TRAM1: variants seen among roughly 807,000 people sequenced by gnomAD.
TRAM1 encodes the protein translocation associated membrane protein 1, also known as translocating chain-associated membrane protein 1.
Under a neutral mutation model 48.7 loss-of-function variants are expected in TRAM1, and 17 were observed. The observed-to-expected ratio is 0.35, with a 90% CI of 0.24 to 0.52. The LOEUF (loss-of-function observed/expected upper bound fraction) is 0.52. TRAM1 is among the 20% of genes least tolerant of loss of function. TRAM1 has a pLI of 0.94. For missense variants in TRAM1, 351 were observed against 441.5 expected (o/e 0.79, Z 1.84); for synonymous variants, 182 against 154.0 (o/e 1.18, Z -1.34).
At chr8:70,603,726 C>A (rs1420726305) in intron 1 of TRAM1, among the ~76,000 whole-genome samples, 1 of 152,092 alleles carries the variant, frequency 6.6e-6, no homozygotes, top group African/African-American at 2.4e-5. Context: ...CAAAAAGAGT[C>A]CTTTACAAAC....
chr8:70,608,284 T>A lies in TRAM1; in HGVS notation c.-85A>T. The A allele has an allele frequency of 1.4e-6, 2 of 1,470,902 alleles. No homozygotes were observed. The highest frequency in any genetic ancestry group is 1.3e-5 in the South Asian group (1 of 76,266). The allele number at this position is 1,470,902 out of a possible 1,614,324, so 91.1% of individuals were successfully genotyped here. A position where few individuals can be genotyped will look rare whatever the true frequency, so the allele number is the denominator to read the frequency against. On this transcript the variant is annotated 5_prime_UTR_variant, in exon 1 of 11. Coordinates refer to ENST00000262213, the MANE Select transcript of TRAM1 (RefSeq NM_014294.6). ...TCACCGACTCGCCGCCGCCTCCCGC[T>A]GGCTGCTCCTCACGGCCCCGCTGCA...
At chr8:70,603,020 C>T (rs17759131) in intron 1 of TRAM1, among the ~76,000 whole-genome samples, 8,305 of 152,042 alleles carry the variant, frequency 0.055, 327 homozygotes, top group Non-Finnish European at 0.078. Flanking sequence ...CTGCAGGATA[C>T]GGCCAGTAAA....
intron 10 of TRAM1, among the ~76,000 whole-genome samples, chr8:70,578,338 G>A (rs1817005215): frequency 6.6e-6 from 1 of 152,176 alleles, no homozygotes; most frequent in African/African-American, 2.4e-5. Context: ...TGAACTCCTG[G>A]GCTCAAGTGA....
At chr8:70,596,819 T>TA (rs34126420) in intron 4 of TRAM1, among the ~76,000 whole-genome samples, 10,300 of 122,366 alleles carry the variant, frequency 0.084, 454 homozygotes, top group Non-Finnish European at 0.092. Context: ...ACTGCATATG[T>TA]AAAAAAAAAA....
intron 3 of TRAM1, 39 bp downstream of exon 3, chr8:70,598,095 T>C: frequency 6.3e-7 from 1 of 1,590,176 alleles, no homozygotes; most frequent in Non-Finnish European, 8.6e-7. Flanking sequence ...GGAGAGCTAG[T>C]ACTTTATAAA....
At chr8:70,588,152 G>A (rs968888866) in intron 6 of TRAM1, among the ~76,000 whole-genome samples, 1 of 152,072 alleles carries the variant, frequency 6.6e-6, no homozygotes, top group Non-Finnish European at 1.5e-5. Flanking sequence ...AAGAGTTCGA[G>A]GTTACAGTAA....
At chr8:70,607,492 G>A in intron 1 of TRAM1, 1 of 985,476 alleles carries the variant, frequency 1.0e-6, no homozygotes, top group Non-Finnish European at 1.2e-6. Flanking sequence ...CCTTCAAGTC[G>A]AAAGCAGATG....
chr8:70,587,919 C>T (rs1274730327), intron 6 of TRAM1, among the ~76,000 whole-genome samples: 3 of 152,136 alleles, frequency 2.0e-5, no homozygotes, highest in African/African-American at 7.2e-5. Flanking sequence ...AAACACAAGT[C>T]AAGACCCACT....
chr8:70,587,032 TAATTATC>T, intron 7 of TRAM1, 33 bp from the exon 8 acceptor site: 1 of 1,611,396 alleles, frequency 6.2e-7, no homozygotes, highest in South Asian at 1.1e-5. Flanking sequence ...ATGGGAATAT[TAATTATC>T]AATTAAGACA....
At chr8:70,595,834 C>T (rs1228211358) in intron 5 of TRAM1, among the ~76,000 whole-genome samples, 1 of 152,016 alleles carries the variant, frequency 6.6e-6, no homozygotes, top group Non-Finnish European at 1.5e-5. Context: ...CCCAGCAGCA[C>T]TGTACAGACT....
intron 1 of TRAM1, chr8:70,606,813 ATTAT>A (rs1817729687): frequency 6.1e-6 from 5 of 825,244 alleles, no homozygotes; most frequent in Non-Finnish European, 7.3e-6. Context: ...AGGTTAAAAT[ATTAT>A]TTAATTTTAA....
intron 10 of TRAM1, among the ~76,000 whole-genome samples, chr8:70,577,088 G>A (rs754160977): frequency 1.3e-5 from 2 of 152,172 alleles, no homozygotes; most frequent in African/African-American, 2.4e-5. Flanking sequence ...AGCCCTTTTA[G>A]TCCCGCCATT....
chr8:70,598,283 C>A, intron 2 of TRAM1, 28 bp from the exon 3 acceptor site: 2 of 1,579,264 alleles, frequency 1.3e-6, no homozygotes, highest in Non-Finnish European at 8.6e-7. Flanking sequence ...CACAAATACA[C>A]AAAAATATAC....
chr8:70,586,025 A>G (rs923968817), intron 8 of TRAM1, among the ~76,000 whole-genome samples: 4 of 150,990 alleles, frequency 2.6e-5, no homozygotes, highest in Non-Finnish European at 4.4e-5. Flanking sequence ...AACCAACTCA[A>G]ATGTCCAACA....
chr8:70,583,537 G>T (rs1471465411), intron 9 of TRAM1, 113 bp downstream of exon 9: 2 of 1,419,068 alleles, frequency 1.4e-6, no homozygotes, highest in Non-Finnish European at 1.9e-6. Flanking sequence ...AAAATCAAAT[G>T]AGTATTTTCC....
intron 6 of TRAM1, among the ~76,000 whole-genome samples, chr8:70,592,077 G>A (rs1817378966): frequency 2.0e-5 from 3 of 152,116 alleles, no homozygotes; most frequent in Admixed American, 2.0e-4. Flanking sequence ...TTATATGTAT[G>A]TATAATTAAA....
chr8:70,587,777 ACTATT>A (rs1486399665), intron 6 of TRAM1: 3 of 152,252 alleles, frequency 2.0e-5, no homozygotes, highest in Admixed American at 6.5e-5. Flanking sequence ...TCTCATTTAT[ACTATT>A]CCTTAATTGT....
rs61138886 is a variant in TRAM1, at chr8:70,600,654, G to C, written c.124-572C>G. ...GGCAAAGTGCTAGACAAAAAAGGACGAGATGAAGATGGATAAAATAATCCC... is the reference window on the plus strand; with the variant it reads ...GGCAAAGTGCTAGACAAAAAAGGACCAGATGAAGATGGATAAAATAATCCC... On this transcript the variant is annotated intron_variant, in intron 1 of 10. Coordinates refer to ENST00000262213, the MANE Select transcript of TRAM1 (RefSeq NM_014294.6). 5.3e-3 allele frequency among the ~76,000 whole-genome samples: 810 copies of C among 152,262 alleles called. 10 individuals carry two copies. Among genetic ancestry groups the C allele is most frequent in the African/African-American group, 0.019 (777 of 41,550 alleles).
chr8:70,587,024 G>T, intron 7 of TRAM1, 25 bp from the exon 8 acceptor site: 1 of 1,609,588 alleles, frequency 6.2e-7, no homozygotes, highest in Non-Finnish European at 8.5e-7. Context: ...AATTAAAAAT[G>T]GGAATATTAA....
Sources: allele counts gnomAD v4.1 joint callset (sites outside exome capture counted in the v4.1 genomes callset), GRCh38; gene constraint gnomAD v4.1.1; transcripts MANE v1.5; gene names NCBI Gene and HGNC (gene_info 2026-07-23, HGNC 2026-07-21).